The following TP73 variants were observed in gnomAD, a reference collection of about 807,000 sequenced individuals.
TP73 encodes the protein p53-like transcription factor.
TP73 carries 25 observed loss-of-function variants against 62.5 expected under a neutral mutation model. The observed-to-expected ratio is 0.40, with a 90% CI of 0.29 to 0.56. TP73 has a LOEUF of 0.56. TP73 is among the 20% of genes least tolerant of loss of function. The pLI is 0.46. For missense variants in TP73, 754 were observed against 913.3 expected, an observed-to-expected ratio of 0.83 and a Z score of 2.25; for synonymous variants, 423 against 377.5, an observed-to-expected ratio of 1.12 and a Z score of -1.40.
In TP73 at chr1:3,670,306, C is replaced by T. The variant is rs1044774029; in HGVS notation, c.-33-12027C>T. On this transcript the variant is annotated intron_variant, in intron 1 of 13. Transcript: ENST00000378295. This position sits in a 1 kb window ranked among gnomAD's most constrained non-coding sequence, Gnocchi z 5.9. The stretch of plus-strand genomic sequence containing the variant: ...ATGTGGGTGTCGTCTCCCTGGGGTC[C>T]CGCAGTCTGAACTCAAGACTCAAGA... 2.6e-5 allele frequency among the ~76,000 whole-genome samples: 4 copies of T among 152,064 alleles called. No individual in the cohort carries two copies. Among genetic ancestry groups the T allele is most frequent in the African/African-American group, 9.7e-5 (4 of 41,386 alleles).
At chr1:3,716,686 G>A (rs978205262) in intron 4 of TP73, among the ~76,000 whole-genome samples, 12 of 152,312 alleles carry the variant, frequency 7.9e-5, no homozygotes, top group South Asian at 4.1e-4. Flanking sequence ...GTCACCAAGG[G>A]GGCCCTGTGG....
intron 1 of TP73, among the ~76,000 whole-genome samples, chr1:3,680,213 G>A (rs546680602): frequency 3.2e-4 from 48 of 152,306 alleles, no homozygotes; most frequent in East Asian, 5.8e-4. Context: ...TCTCACCCAC[G>A]CTGTAGCATG....
chr1:3,700,733 A>T (rs191287509), intron 3 of TP73, among the ~76,000 whole-genome samples: 10 of 151,756 alleles, frequency 6.6e-5, no homozygotes, highest in Non-Finnish European at 1.3e-4. Context: ...GTGAGCCGAG[A>T]TCCCACCACT....
intron 1 of TP73, among the ~76,000 whole-genome samples, chr1:3,657,802 C>G (rs1644896975): frequency 6.6e-6 from 1 of 152,208 alleles, no homozygotes; most frequent in Non-Finnish European, 1.5e-5. Context: ...CCTGGCGCCT[C>G]CTCCACAGCC....
rs1557591574 is a variant in TP73 at position 3,731,040 on chromosome 1, T to C, written c.1459T>C (p.Tyr487His). 6.2e-7 allele frequency: 1 copy of C among 1,611,988 alleles called. No homozygotes were observed. Among genetic ancestry groups the C allele is most frequent in the Non-Finnish European group, 8.5e-7 (1 of 1,179,572 alleles). ...SGSHCTPPPPYHADPSLVSFL... is the reference protein window; with the variant it reads ...SGSHCTPPPPHHADPSLVSFL... ...GTCCCACTGCACTCCGCCACCCCCC[T>C]ACCACGCCGACCCCAGCCTCGTCAG... The change falls in exon 12 of 14, where the codon TAC becomes CAC. Residue 487 changes from tyrosine to histidine, a missense_variant. Physicochemically the swap from Tyr to His is moderately conservative, Grantham distance 83. Around this residue, in one of 3 missense-constraint regions of TP73, gnomAD observed 458 missense variants for 528.7 expected, o/e 0.87. Transcript: ENST00000378295.
chr1:3,653,296 G>A (rs775412274), intron 1 of TP73, among the ~76,000 whole-genome samples: 20 of 152,252 alleles, frequency 1.3e-4, no homozygotes, highest in Non-Finnish European at 2.1e-4. Context: ...GAAAGCCCGT[G>A]AAGAAATGGC....
intron 1 of TP73, among the ~76,000 whole-genome samples, chr1:3,661,695 CTG>C (rs1372289299): frequency 2.8e-5 from 4 of 140,670 alleles, no homozygotes; most frequent in Non-Finnish European, 4.5e-5. Flanking sequence ...GAGCAACAAA[CTG>C]TATATACACA....
intron 13 of TP73, among the ~76,000 whole-genome samples, chr1:3,732,326 C>T (rs1642195139): frequency 6.6e-6 from 1 of 152,232 alleles, no homozygotes; most frequent in African/African-American, 2.4e-5. Context: ...CAACCTGTCC[C>T]CAGTGACCCA....
chr1:3,684,833 G>A (rs992316760), intron 3 of TP73, among the ~76,000 whole-genome samples: 1 of 152,114 alleles, frequency 6.6e-6, no homozygotes, highest in African/African-American at 2.4e-5. Flanking sequence ...CCGTGTTATG[G>A]GTGAGGAAAC....
chr1:3,722,973 G>A (rs181594511), intron 5 of TP73, among the ~76,000 whole-genome samples: 4 of 147,518 alleles, frequency 2.7e-5, no homozygotes, highest in Non-Finnish European at 6.0e-5. Context: ...GCACAGGGCT[G>A]GGCACCTCTG....
chr1:3,719,060 C>T (rs1186202713), intron 4 of TP73, among the ~76,000 whole-genome samples: 1 of 152,182 alleles, frequency 6.6e-6, no homozygotes, highest in East Asian at 1.9e-4. Flanking sequence ...CCCACAGGGC[C>T]GGACCTCAGA....
At chr1:3,727,366 G>GC (rs1641735357) in intron 7 of TP73, 142 bp downstream of exon 7, 2 of 973,802 alleles carry the variant, frequency 2.1e-6, no homozygotes, top group Non-Finnish European at 3.0e-6. Context: ...GGAAGGAACC[G>GC]CCCCCTGGCC....
chr1:3,730,252 T>A, intron 11 of TP73, 104 bp downstream of exon 11: 1 of 1,304,422 alleles, frequency 7.7e-7, no homozygotes, highest in Non-Finnish European at 1.0e-6. Flanking sequence ...GGCAGGTGTC[T>A]CTGTGGCTGG....
intron 3 of TP73, among the ~76,000 whole-genome samples, chr1:3,695,386 G>C (rs1638543023): frequency 6.6e-6 from 1 of 152,194 alleles, no homozygotes; most frequent in Non-Finnish European, 1.5e-5. Flanking sequence ...GACACCCCTA[G>C]CTCTCCTGCG....
chr1:3,731,695 T>C, intron 13 of TP73, 139 bp downstream of exon 13: 1 of 774,822 alleles, frequency 1.3e-6, no homozygotes, highest in Non-Finnish European at 2.1e-6. Context: ...GATGCGATGA[T>C]TTGACTCTTG....
intron 3 of TP73, among the ~76,000 whole-genome samples, chr1:3,700,591 G>GGC (rs1639076489): frequency 1.3e-5 from 2 of 152,154 alleles, no homozygotes; most frequent in Admixed American, 1.3e-4. Flanking sequence ...GAGGTCAGGA[G>GGC]TTCGAGACCA....
intron 1 of TP73, among the ~76,000 whole-genome samples, chr1:3,677,689 C>CTTTTTTTT (rs1215137164): frequency 2.2e-5 from 3 of 137,220 alleles, no homozygotes; most frequent in Non-Finnish European, 1.6e-5. Context: ...TCCTTCCTTC[C>CTTTTTTTT]CTTTTTTTTT....
rs139423276 is a variant in TP73, at chr1:3,699,334, G to A, written c.187-8215G>A. On this transcript the variant is annotated intron_variant, in intron 3 of 13. Transcript: ENST00000378295. This position sits in a 1 kb window ranked among gnomAD's most constrained non-coding sequence, Gnocchi z 4.1. ...GGGGCCCAAGTTCAGACATGCCCACGAGAGATCAGGGAGTTTGAGGAGCGG... is the reference window on the plus strand; with the variant it reads ...GGGGCCCAAGTTCAGACATGCCCACAAGAGATCAGGGAGTTTGAGGAGCGG... Among the ~76,000 whole-genome samples, 9 of 152,252 alleles carry A rather than the reference G, an allele frequency of 5.9e-5. No homozygotes were observed. In the East Asian group the frequency reaches 9.7e-4, roughly 16 times the overall value.
intron 6 of TP73, among the ~76,000 whole-genome samples, chr1:3,725,547 G>A (rs1213363298): frequency 4.4e-5 from 6 of 135,256 alleles, no homozygotes; most frequent in African/African-American, 1.4e-4. Flanking sequence ...TAGGGTGGGC[G>A]GATGGATGGG....
Sources: allele counts gnomAD v4.1 joint callset (sites outside exome capture counted in the v4.1 genomes callset), GRCh38; gene constraint gnomAD v4.1.1; regional missense constraint gnomAD v4.1.1; non-coding constraint Gnocchi (gnomAD v3.1); transcripts MANE v1.5; gene names NCBI Gene and HGNC (gene_info 2026-07-23, HGNC 2026-07-21).